Variants in ANGPTL4 observed in about 807,000 individuals in gnomAD.
ANGPTL4 encodes the protein angiopoietin like 4, also known as angiopoietin-related protein 4.
A neutral mutation model predicts 39.2 loss-of-function variants in ANGPTL4; 39 were observed. The observed-to-expected ratio is 1.00, with a 90% CI of 0.77 to 1.30. ANGPTL4 has a LOEUF of 1.30. Ranked by LOEUF, ANGPTL4 falls within the 50% of genes most tolerant of loss-of-function variation. ANGPTL4 has a pLI of 0.00. For missense variants in ANGPTL4, 545 were observed against 549.8 expected (o/e 0.99, Z 0.09); for synonymous variants, 233 against 229.5 (o/e 1.02, Z -0.14).
intron 4 of ANGPTL4, among the ~76,000 whole-genome samples, chr19:8,370,822 A>G (rs1971100906): frequency 1.3e-5 from 2 of 150,882 alleles, no homozygotes; most frequent in Non-Finnish European, 2.9e-5. Flanking sequence ...GCAGATTTCC[A>G]CTGCCTACTC....
chr19:8,371,743 G>GTTTA lies in ANGPTL4; in HGVS notation c.1039+235_1039+238dup, dbSNP rs144513924. Among the ~76,000 whole-genome samples the GTTTA allele has an allele frequency of 8.5e-5, 13 of 152,088 alleles. No individual in the cohort carries two copies. The Middle Eastern group carries it at 0.01, about 119-fold the overall frequency. On this transcript the variant is annotated intron_variant, in intron 6 of 6. Transcript: ENST00000301455. This position sits in a 1 kb window ranked among gnomAD's most constrained non-coding sequence, Gnocchi z 5.1. Reference sequence around the variant, plus strand: ...TTTACTTTTATTTACTTATGTGTTTGTTTATTTATTTATTTATGTATTTAT... The same window carrying GTTTA: ...TTTACTTTTATTTACTTATGTGTTTGTTTATTTATTTATTTATTTATGTATTTAT...
intron 3 of ANGPTL4, among the ~76,000 whole-genome samples, chr19:8,367,082 C>A (rs1162523248): frequency 6.6e-6 from 1 of 152,130 alleles, no homozygotes; most frequent in African/African-American, 2.4e-5. Context: ...CTGTCCACAG[C>A]CAACTGGGTG....
Position 8,371,447 on chromosome 19 carries a change from CTCTCCGTA to C in ANGPTL4, c.965_972del (p.Leu322ProfsTer51). The stretch of plus-strand genomic sequence containing the variant: ...CGCCACCACCGTCCCACCCAGCGGC[CTCTCCGTA>C]CCCTTCTCCACTTGGGACCAGGATC... On this transcript the variant is annotated frameshift_variant, in exon 6 of 7. Transcript: ENST00000301455. LOFTEE classifies it high-confidence loss of function. This position sits in a 1 kb window ranked among gnomAD's most constrained non-coding sequence, Gnocchi z 5.1. 1 of 1,613,416 alleles carries C rather than the reference CTCTCCGTA, an allele frequency of 6.2e-7. No individual in the cohort carries two copies. Among genetic ancestry groups the C allele is most frequent in the Non-Finnish European group, 8.5e-7 (1 of 1,180,018 alleles).
Position 8,371,544 on chromosome 19 carries a change from A to G in ANGPTL4, c.1039+22A>G. Reference sequence around the variant, plus strand: ...TCTGGTGAGCAGGCCCTGCCATGCCACACCCAGCCAGCAGCTTCCCTCCTT... The same window carrying G: ...TCTGGTGAGCAGGCCCTGCCATGCCGCACCCAGCCAGCAGCTTCCCTCCTT... On this transcript the variant is annotated intron_variant, in intron 6 of 6. Transcript: ENST00000301455. The surrounding 1 kb of genome is among the most constrained non-coding windows in gnomAD (Gnocchi z 5.1). 3.1e-6 allele frequency: 5 copies of G among 1,612,684 alleles called. No homozygotes were observed. The highest frequency in any genetic ancestry group is 4.2e-6 in the Non-Finnish European group (5 of 1,179,982).
intron 3 of ANGPTL4, among the ~76,000 whole-genome samples, chr19:8,367,217 G>A (rs987906725): frequency 2.0e-5 from 3 of 148,774 alleles, no homozygotes; most frequent in South Asian, 2.1e-4. Flanking sequence ...CCCCAACCCC[G>A]CCAGGCTAGC....
intron 1 of ANGPTL4, among the ~76,000 whole-genome samples, chr19:8,365,112 T>A (rs1970974644): frequency 6.6e-6 from 1 of 150,466 alleles, no homozygotes; most frequent in South Asian, 2.1e-4. Flanking sequence ...GAGGTTGCAG[T>A]GAGCCGAGAT....
chr19:8,366,161 G>A (rs1970999878), intron 2 of ANGPTL4, 41 bp from the exon 3 acceptor site: 1 of 1,611,496 alleles, frequency 6.2e-7, no homozygotes, highest in African/African-American at 1.3e-5. Flanking sequence ...GGGGACGTGG[G>A]GCCAGGCAGG....
chr19:8,364,684 C>T (rs1970964710), intron 1 of ANGPTL4, 45 bp downstream of exon 1: 1 of 1,554,528 alleles, frequency 6.4e-7, no homozygotes, highest in Non-Finnish European at 8.7e-7. Context: ...AGTGGCTCTC[C>T]TGGCTTGGAA....
In ANGPTL4 at chr19:8,372,251, G is replaced by T. The variant is rs548820918; in HGVS notation, c.1039+729G>T. On this transcript the variant is annotated intron_variant, in intron 6 of 6. Coordinates refer to ENST00000301455, the MANE Select transcript of ANGPTL4 (RefSeq NM_139314.3). The stretch of plus-strand genomic sequence containing the variant: ...GTTTTGTATTTTTAGTAGAGACGGG[G>T]TTTCACCATGTTGGCCAGGGTGGTC... 2.0e-5 allele frequency among the ~76,000 whole-genome samples: 3 copies of T among 151,488 alleles called. No individual in the cohort carries two copies. The South Asian group carries it at 6.2e-4, about 31-fold the overall frequency.
intron 3 of ANGPTL4, among the ~76,000 whole-genome samples, chr19:8,367,466 G>A (rs921166755): frequency 6.6e-5 from 10 of 151,844 alleles, no homozygotes; most frequent in East Asian, 1.9e-4. Context: ...TGGTTTGGCC[G>A]CGTGCCCATC....
At chr19:8,368,599 C>T (rs571822427) in intron 3 of ANGPTL4, among the ~76,000 whole-genome samples, 7 of 152,268 alleles carry the variant, frequency 4.6e-5, no homozygotes, top group African/African-American at 1.7e-4. Context: ...TGGTTCACAC[C>T]TGTAATCCCA....
intron 4 of ANGPTL4, among the ~76,000 whole-genome samples, chr19:8,370,842 C>T (rs80053726): frequency 0.023 from 3,457 of 152,274 alleles, 120 homozygotes; most frequent in African/African-American, 0.078. Flanking sequence ...CCCTCCCACA[C>T]TCAGTCCCTG....
intron 3 of ANGPTL4, among the ~76,000 whole-genome samples, chr19:8,368,218 C>T (rs894542313): frequency 6.6e-6 from 1 of 152,040 alleles, no homozygotes; most frequent in African/African-American, 2.4e-5. Context: ...TGGGGTTTGG[C>T]CATGTTGACC....
At chr19:8,364,886 A>AC (rs1970969783) in intron 1 of ANGPTL4, among the ~76,000 whole-genome samples, 2 of 143,376 alleles carry the variant, frequency 1.4e-5, no homozygotes, top group African/African-American at 2.5e-5. Context: ...CACACACACA[A>AC]AATAAATAAA....
Position 8,373,841 on chromosome 19 carries a change from CA to C in ANGPTL4, c.1177del (p.Thr393ProfsTer4). The C allele has an allele frequency of 6.2e-7, 1 of 1,613,818 alleles. No homozygotes were observed. The part of the protein sequence containing the change: ...WRGRYYPLQA[T>X]TMLIQPMAAE... The stretch of plus-strand genomic sequence containing the variant: ...GGGGCCGCTACTACCCGCTGCAGGC[CA>C]CCACCATGTTGATCCAGCCCATGGC... On this transcript the variant is annotated frameshift_variant, in exon 7 of 7. Transcript: ENST00000301455. LOFTEE classifies it high-confidence loss of function.
intron 4 of ANGPTL4, among the ~76,000 whole-genome samples, chr19:8,370,528 C>A (rs779484845): frequency 6.6e-6 from 1 of 152,210 alleles, no homozygotes; most frequent in Non-Finnish European, 1.5e-5. Flanking sequence ...GCCTGGCCAA[C>A]ATGGTGAAAC....
chr19:8,374,250 G>A lies in ANGPTL4; in HGVS notation c.*364G>A. ...CTGACGGGGACCAGGGCTTGTGTGG[G>A]TCGAGAGCGCCCTCATGGTGCTGGT... On this transcript the variant is annotated 3_prime_UTR_variant, in exon 7 of 7. Transcript: ENST00000301455. The A allele has an allele frequency of 3.2e-6, 1 of 311,902 alleles. No individual in the cohort carries two copies. The highest frequency in any genetic ancestry group is 4.6e-5 in the Admixed American group (1 of 21,972). The allele number at this position is 311,902 out of a possible 1,614,324, so 19.3% of individuals were successfully genotyped here.
chr19:8,364,471 G>T lies in ANGPTL4; in HGVS notation c.150G>T (p.Gln50His). The change falls in exon 1 of 7, where the codon CAG becomes CAT. Residue 50 changes from glutamine (Q) to histidine (H), a missense_variant. By Grantham distance (24) the Gln-to-His change is conservative (BLOSUM62 0). Transcript: ENST00000301455. ...ATGTCCTGGCGCACGGACTCCTGCA[G>T]CTCGGCCAGGGGCTGCGCGAACACG... ...EMNVLAHGLL[Q>H]LGQGLREHAE... The T allele has an allele frequency of 1.3e-6, 2 of 1,563,372 alleles. No individual in the cohort carries two copies. The highest frequency in any genetic ancestry group is 8.7e-7 in the Non-Finnish European group (1 of 1,155,546).
chr19:8,371,322 G>A lies in ANGPTL4; in HGVS notation c.839G>A (p.Trp280Ter), dbSNP rs758160705. ...CGCCTGGCCGTGCAGCTGCGGGACT[G>A]GGATGGCAACGCCGAGTTGCTGCAG... ...NSRLAVQLRD[W>*]DGNAELLQFS... The change falls in exon 6 of 7, where the codon TGG (tryptophan) becomes TAG (stop). Residue 280 changes from tryptophan to a stop codon, truncating the protein, a stop_gained. Transcript: ENST00000301455. LOFTEE classifies it high-confidence loss of function. This position sits in a 1 kb window ranked among gnomAD's most constrained non-coding sequence, Gnocchi z 5.1. 1 of 1,613,864 alleles carries A rather than the reference G, an allele frequency of 6.2e-7. No homozygotes were observed. Among genetic ancestry groups the A allele is most frequent in the South Asian group, 1.1e-5 (1 of 91,084 alleles).
Sources: gnomAD v4.1 joint callset for allele counts (sites outside exome capture counted in the v4.1 genomes callset) on GRCh38, gnomAD v4.1.1 for gene constraint, Gnocchi (gnomAD v3.1) non-coding constraint, MANE v1.5 for transcripts, NCBI Gene and HGNC (gene_info 2026-07-23, HGNC 2026-07-21) for gene names.